Variants in ADAMTS17 observed in about 807,000 individuals in gnomAD.
ADAMTS17 encodes ADAM metallopeptidase with thrombospondin type 1 motif 17.
ADAMTS17 carries 113 observed loss-of-function variants against 141.5 expected under a neutral mutation model. The observed-to-expected ratio is 0.80, with a 90% CI of 0.69 to 0.93. The LOEUF is 0.93. ADAMTS17 is among the 40% of genes least tolerant of loss of function. ADAMTS17 has a pLI of 0.00. For missense variants in ADAMTS17, 1,659 were observed against 1,517.9 expected (o/e 1.09, Z -1.54); for synonymous variants, 768 against 630.6 (o/e 1.22, Z -3.27).
intron 20 of ADAMTS17, chr15:99,979,823 A>G (rs2060447447): frequency 6.6e-6 from 1 of 152,270 alleles, no homozygotes; most frequent in Non-Finnish European, 1.5e-5. Flanking sequence ...TTGAATGTTT[A>G]TAATGCATAA....
chr15:100,234,392 A>G (rs907770355), intron 7 of ADAMTS17, among the ~76,000 whole-genome samples: 4 of 152,216 alleles, frequency 2.6e-5, no homozygotes, highest in African/African-American at 9.7e-5. Flanking sequence ...TGATGCTACC[A>G]GTAAGGAAGA....
intron 12 of ADAMTS17, among the ~76,000 whole-genome samples, chr15:100,127,369 T>C (rs1337458211): frequency 6.6e-6 from 1 of 151,954 alleles, no homozygotes; most frequent in Non-Finnish European, 1.5e-5. Context: ...GAGGCAGAGA[T>C]GGAGGTGATG....
intron 3 of ADAMTS17, among the ~76,000 whole-genome samples, chr15:100,315,771 A>G (rs776312584): frequency 2.5e-4 from 38 of 152,240 alleles, no homozygotes; most frequent in Non-Finnish European, 4.9e-4. Context: ...GCTTAAAAGT[A>G]TACAGAATTT....
chr15:100,135,445 G>A (rs980112542), intron 10 of ADAMTS17, among the ~76,000 whole-genome samples: 19 of 151,838 alleles, frequency 1.3e-4, no homozygotes, highest in African/African-American at 2.9e-4. Context: ...CACCACACCC[G>A]GCTAATTTTT....
chr15:99,982,777 C>G (rs1596150097), intron 20 of ADAMTS17, among the ~76,000 whole-genome samples: 1 of 152,200 alleles, frequency 6.6e-6, no homozygotes, highest in African/African-American at 2.4e-5. Flanking sequence ...ATAAATTTAG[C>G]TGAAAAGCTC....
intron 3 of ADAMTS17, chr15:100,306,403 T>C (rs1351473288): frequency 6.7e-6 from 3 of 446,086 alleles, no homozygotes; most frequent in Non-Finnish European, 1.4e-5. Flanking sequence ...AGAAGAAGTA[T>C]GTCTGCCACC....
At chr15:100,090,913 C>T (rs1484931845) in intron 15 of ADAMTS17, among the ~76,000 whole-genome samples, 2 of 146,272 alleles carry the variant, frequency 1.4e-5, no homozygotes, top group African/African-American at 2.6e-5. Context: ...GAGGCTGAGG[C>T]GGGGGAATAG....
At chr15:100,132,243 A>G in intron 11 of ADAMTS17, 91 bp from the exon 12 acceptor site, 1 of 1,512,308 alleles carries the variant, frequency 6.6e-7, no homozygotes. Context: ...GCTGCCAAAA[A>G]CCCATTTGCT....
intron 8 of ADAMTS17, among the ~76,000 whole-genome samples, chr15:100,183,835 T>A (rs1438440831): frequency 6.6e-6 from 1 of 152,228 alleles, no homozygotes; most frequent in Non-Finnish European, 1.5e-5. Context: ...CAGTTTAGTT[T>A]TCAGAGGCCC....
chr15:100,122,587 C>A (rs543049668), intron 12 of ADAMTS17, among the ~76,000 whole-genome samples: 1 of 152,172 alleles, frequency 6.6e-6, no homozygotes, highest in African/African-American at 2.4e-5. Context: ...ACTTTTAACA[C>A]CCCCAAAATT....
At chr15:100,075,616 T>C (rs2034317431) in intron 15 of ADAMTS17, among the ~76,000 whole-genome samples, 1 of 152,208 alleles carries the variant, frequency 6.6e-6, no homozygotes, top group South Asian at 2.1e-4. Context: ...TAATGTCTAA[T>C]AACTATTAGG....
At chr15:100,051,791 C>T (rs574352753) in intron 16 of ADAMTS17, 60 bp from the exon 17 acceptor site, 48 of 1,601,920 alleles carry the variant, frequency 3.0e-5, no homozygotes, top group South Asian at 2.3e-4. Context: ...GTGGGAATGC[C>T]GAATCTGCAC....
intron 18 of ADAMTS17, among the ~76,000 whole-genome samples, chr15:100,014,692 T>C (rs758630170): frequency 6.6e-6 from 1 of 152,218 alleles, no homozygotes; most frequent in Non-Finnish European, 1.5e-5. Context: ...TTGGAGTTGA[T>C]TTCCAGTTTT....
At chr15:100,049,746 C>G (rs544686353) in intron 17 of ADAMTS17, among the ~76,000 whole-genome samples, 2 of 152,280 alleles carry the variant, frequency 1.3e-5, no homozygotes, top group Non-Finnish European at 2.9e-5. Flanking sequence ...GGGTTCAAGT[C>G]TTGGCTGTAT....
At chr15:100,219,998 A>G (rs2042083534) in intron 7 of ADAMTS17, among the ~76,000 whole-genome samples, 1 of 152,084 alleles carries the variant, frequency 6.6e-6, no homozygotes, top group Non-Finnish European at 1.5e-5. Flanking sequence ...TATTATTCCC[A>G]TTTTGCAGAG....
intron 15 of ADAMTS17, among the ~76,000 whole-genome samples, chr15:100,085,506 C>T (rs894716056): frequency 4.0e-5 from 6 of 151,792 alleles, no homozygotes; most frequent in African/African-American, 1.5e-4. Flanking sequence ...CACAAAGATA[C>T]TCCTCGAGAA....
At chr15:100,249,986 G>T (rs1041152123) in intron 7 of ADAMTS17, among the ~76,000 whole-genome samples, 3 of 152,138 alleles carry the variant, frequency 2.0e-5, no homozygotes, top group Non-Finnish European at 4.4e-5. Flanking sequence ...TAGAGGGATG[G>T]GACTGCACAG....
intron 8 of ADAMTS17, among the ~76,000 whole-genome samples, chr15:100,192,589 G>A (rs978668240): frequency 1.3e-5 from 2 of 152,186 alleles, no homozygotes; most frequent in Admixed American, 6.5e-5. Flanking sequence ...GGAGCACTCA[G>A]GCCAAACATT....
intron 18 of ADAMTS17, among the ~76,000 whole-genome samples, chr15:100,002,742 T>A (rs2060955229): frequency 6.6e-6 from 1 of 152,090 alleles, no homozygotes; most frequent in Non-Finnish European, 1.5e-5. Flanking sequence ...ACATGGGAGA[T>A]TCCTGCAGAG....
Sources: gnomAD v4.1 joint callset for allele counts (sites outside exome capture counted in the v4.1 genomes callset) on GRCh38, gnomAD v4.1.1 for gene constraint, MANE v1.5 for transcripts, NCBI Gene and HGNC (gene_info 2026-07-23, HGNC 2026-07-21) for gene names.